Variants in MDGA1 observed in about 807,000 individuals in gnomAD.
MDGA1 encodes the protein MAM domain containing glycosylphosphatidylinositol anchor 1.
In MDGA1, 54 loss-of-function variants were observed where a neutral mutation model predicts 101.5. The ratio of observed to expected loss-of-function variants is 0.53; its 90% CI spans 0.43 to 0.67. The LOEUF is 0.67. Among genes scored for constraint, MDGA1 ranks in the 30% least tolerant of loss-of-function variants. The pLI is 0.00. For missense variants in MDGA1, 1,083 were observed against 1,323.8 expected, an observed-to-expected ratio of 0.82 and a Z score of 2.82; for synonymous variants, 533 against 558.3, an observed-to-expected ratio of 0.95 and a Z score of 0.64.
rs1581858514 is a variant in MDGA1, at chr6:37,652,309, A to T, written c.1014T>A (p.Pro338=). The part of the protein sequence containing the change: ...SMKNATFQIT[P]DVIKESENIQ... ...TGTTCTCACTCTCTTTGATCACGTC[A>T]GGAGTGATCTGGAATGTAGCGTTCT... The change falls in exon 7 of 17, where the codon CCT becomes CCA. Residue 338 remains proline (P), a synonymous_variant. Transcript: ENST00000434837. This position sits in a 1 kb window ranked among gnomAD's most constrained non-coding sequence, Gnocchi z 4.3. 1 of 1,613,526 alleles carries T rather than the reference A, an allele frequency of 6.2e-7. No individual in the cohort carries two copies. The highest frequency in any genetic ancestry group is 8.5e-7 in the Non-Finnish European group (1 of 1,179,606).
intron 1 of MDGA1, among the ~76,000 whole-genome samples, chr6:37,690,275 A>G (rs1173580182): frequency 6.6e-6 from 1 of 152,204 alleles, no homozygotes; most frequent in African/African-American, 2.4e-5. Context: ...ACACAGCGGC[A>G]TGGCTACCTG....
intron 1 of MDGA1, among the ~76,000 whole-genome samples, chr6:37,686,118 G>T (rs1017329473): frequency 6.6e-6 from 1 of 152,114 alleles, no homozygotes; most frequent in African/African-American, 2.4e-5. Flanking sequence ...TTCTCAGCCT[G>T]CCTTGAAGCT....
rs776751933 is a variant in MDGA1, at chr6:37,647,245, G to A, written c.1974C>T (p.Tyr658=). 61 of 1,581,640 alleles carry A rather than the reference G, an allele frequency of 3.9e-5. No homozygotes were observed. The highest frequency in any genetic ancestry group is 4.9e-5 in the Non-Finnish European group (57 of 1,164,200). The change falls in exon 10 of 17, where the codon TAC becomes TAT. Residue 658 remains tyrosine (Y), a synonymous_variant. Coordinates refer to ENST00000434837, the MANE Select transcript of MDGA1 (RefSeq NM_153487.4). ...GCTCCCTCTGAGTCCACTGCAGCAC[G>A]TAGGAGTAGTTCTTGGACAGCTTGT... ...RSHKLSKNYS[Y]VLQWTQREPD...
Position 37,648,974 on chromosome 6 carries a change from ACGC to A in MDGA1, c.1894+5_1894+7del. On this transcript the variant is annotated splice_donor_5th_base_variant and intron_variant, in intron 9 of 16. Coordinates refer to ENST00000434837, the MANE Select transcript of MDGA1 (RefSeq NM_153487.4). The stretch of plus-strand genomic sequence containing the variant: ...TGGTAGGTGGGGCGGGACCCACTGG[ACGC>A]TCACCGGAGACCTGGAAGAGGCAGG... The A allele has an allele frequency of 6.4e-7, 1 of 1,551,118 alleles. No homozygotes were observed. Among genetic ancestry groups the A allele is most frequent in the Non-Finnish European group, 8.7e-7 (1 of 1,148,872 alleles).
At position 37,652,438 on chromosome 6, in the gene MDGA1, G is replaced by T; in HGVS notation, c.983-98C>A. 1 of 866,936 alleles carries T rather than the reference G, an allele frequency of 1.2e-6. No individual in the cohort carries two copies. The highest frequency in any genetic ancestry group is 1.7e-5 in the African/African-American group (1 of 59,006). The allele number at this position is 866,936 out of a possible 1,614,324, so 53.7% of individuals were successfully genotyped here. On this transcript the variant is annotated intron_variant, in intron 6 of 16. Transcript: ENST00000434837. This position sits in a 1 kb window ranked among gnomAD's most constrained non-coding sequence, Gnocchi z 4.3. ...AGACCCAGCTTCTCCCCTCTAGCTG[G>T]CCCTTCTGGGGATAGGGGGCTACAA...
At chr6:37,671,198 C>A (rs990211907) in intron 1 of MDGA1, among the ~76,000 whole-genome samples, 6 of 152,208 alleles carry the variant, frequency 3.9e-5, no homozygotes, top group African/African-American at 1.4e-4. Context: ...ATTAAGGATG[C>A]TGCATGTTCT....
intron 1 of MDGA1, among the ~76,000 whole-genome samples, chr6:37,694,807 C>T (rs946479505): frequency 5.3e-5 from 8 of 152,148 alleles, no homozygotes; most frequent in East Asian, 1.9e-4. Flanking sequence ...GGCCCAGGGT[C>T]GGCCCCAGCA....
At position 37,638,217 on chromosome 6, in the gene MDGA1, C is replaced by G. The variant is rs577475302; in HGVS notation, c.2764G>C (p.Asp922His). The G allele has an allele frequency of 1.2e-6, 2 of 1,613,482 alleles. No individual in the cohort carries two copies. The highest frequency in any genetic ancestry group is 1.7e-6 in the Non-Finnish European group (2 of 1,179,500). The change falls in exon 16 of 17, where the codon GAT becomes CAT. Residue 922 changes from aspartate to histidine, a missense_variant. Asp to His is a moderately conservative substitution (Grantham distance 81). Transcript: ENST00000434837. This position sits in a 1 kb window ranked among gnomAD's most constrained non-coding sequence, Gnocchi z 4.8. The part of the protein sequence containing the change: ...KKGECPRKQT[D>H]PNKVVVMPGS... ...TCCCGTCTTGCACCTTTATTGGGATCCGTCTGCTTCCGGGGACACTCCCCC... is the reference window on the plus strand; with the variant it reads ...TCCCGTCTTGCACCTTTATTGGGATGCGTCTGCTTCCGGGGACACTCCCCC...
Position 37,654,295 on chromosome 6 carries a change from T to C in MDGA1, c.961A>G (p.Thr321Ala), listed in dbSNP as rs1761431889. The C allele has an allele frequency of 6.4e-7, 1 of 1,557,958 alleles. No homozygotes were observed. Among genetic ancestry groups the C allele is most frequent in the East Asian group, 2.3e-5 (1 of 44,388 alleles). Residue 321 changes from threonine (T) to alanine (A), a missense_variant, in exon 6 of 17, where the codon ACT (threonine) becomes GCT (alanine). By Grantham distance (58) the Thr-to-Ala change is moderately conservative. Around this residue, in one of 3 missense-constraint regions of MDGA1, gnomAD observed 116 missense variants for 196.6 expected, o/e 0.59. Transcript: ENST00000434837. ...TNNVGNPAKK[T>A]VNLLVRSMKN... The stretch of plus-strand genomic sequence containing the variant: ...GTACATCGCACCAGCAGGTTGACAG[T>C]CTTCTTGGCAGGGTTGCCCACATTG...
chr6:37,664,237 C>T, intron 1 of MDGA1, 131 bp from the exon 2 acceptor site: 1 of 1,123,442 alleles, frequency 8.9e-7, no homozygotes, highest in Non-Finnish European at 1.3e-6. Flanking sequence ...AGAGGCCTGA[C>T]CCCACTGAGC....
intron 1 of MDGA1, among the ~76,000 whole-genome samples, chr6:37,671,007 T>G (rs1032206164): frequency 6.6e-6 from 1 of 152,190 alleles, no homozygotes; most frequent in Non-Finnish European, 1.5e-5. Context: ...TATTAGTGGA[T>G]AGAAAACTGA....
intron 9 of MDGA1, 24 bp downstream of exon 9, chr6:37,648,958 G>A: frequency 6.5e-7 from 1 of 1,546,548 alleles, no homozygotes. Context: ...GTGGTAGGTG[G>A]GGCGGGACCC....
Position 37,637,161 on chromosome 6 carries a change from G to A in MDGA1, c.*207C>T, listed in dbSNP as rs146059820. The stretch of plus-strand genomic sequence containing the variant: ...TGTGTGTGAGCATGAGTGTGTGCGT[G>A]TGTGCAAGTGGAACAGCTGTCTCCA... On this transcript the variant is annotated 3_prime_UTR_variant, in exon 17 of 17. Transcript: ENST00000434837. The A allele has an allele frequency of 7.2e-4, 401 of 555,160 alleles. No individual in the cohort carries two copies. The highest frequency in any genetic ancestry group is 1.1e-3 in the Non-Finnish European group (335 of 309,852). 34.4% of individuals were successfully genotyped at this position (555,160 alleles called of 1,614,324 possible). A position where few individuals can be genotyped will look rare whatever the true frequency, so the allele number is the denominator to read the frequency against.
At chr6:37,644,450 C>A (rs775634697) in intron 13 of MDGA1, 47 bp downstream of exon 13, 3 of 1,476,482 alleles carry the variant, frequency 2.0e-6, no homozygotes, top group African/African-American at 1.4e-5. Context: ...GGCCTAGACA[C>A]CCCCCTGAAG....
intron 1 of MDGA1, among the ~76,000 whole-genome samples, chr6:37,682,573 G>C (rs1762118788): frequency 6.6e-6 from 1 of 152,134 alleles, no homozygotes; most frequent in Admixed American, 6.6e-5. Flanking sequence ...ATGATTCCAG[G>C]CTGATCCCCC....
Position 37,634,847 on chromosome 6 carries a change from G to A in MDGA1, c.*2521C>T, listed in dbSNP as rs1443346681. 1 of 152,298 alleles carries A rather than the reference G, an allele frequency of 6.6e-6. No homozygotes were observed. The highest frequency in any genetic ancestry group is 6.5e-5 in the Admixed American group (1 of 15,292). 9.4% of individuals were successfully genotyped at this position (152,298 alleles called of 1,614,324 possible). On this transcript the variant is annotated 3_prime_UTR_variant, in exon 17 of 17. Transcript: ENST00000434837. The surrounding 1 kb of genome is among the most constrained non-coding windows in gnomAD (Gnocchi z 4.7). ...CAGTTCAGCTCAGCCAACATGTACT[G>A]AGCACCTTTACTGTCCACTCTATGG...
At chr6:37,692,684 T>TC (rs1408457366) in intron 1 of MDGA1, among the ~76,000 whole-genome samples, 4 of 148,296 alleles carry the variant, frequency 2.7e-5, no homozygotes, top group Non-Finnish European at 6.0e-5. Flanking sequence ...CCACCCCCCT[T>TC]CCCCCCCAGC....
chr6:37,657,307 A>G (rs1761512932), intron 3 of MDGA1, among the ~76,000 whole-genome samples: 2 of 152,226 alleles, frequency 1.3e-5, no homozygotes, highest in South Asian at 4.1e-4. Flanking sequence ...AGTCACAGGC[A>G]TTGACAGTAC....
intron 1 of MDGA1, among the ~76,000 whole-genome samples, chr6:37,666,947 C>A (rs1345067985): frequency 1.3e-5 from 2 of 152,186 alleles, no homozygotes; most frequent in African/African-American, 4.8e-5. Flanking sequence ...TTAGTTTTCT[C>A]ATCTCTAAAA....
Sources: gnomAD v4.1 joint callset for allele counts (sites outside exome capture counted in the v4.1 genomes callset) on GRCh38, gnomAD v4.1.1 for gene constraint, gnomAD v4.1.1 regional missense constraint, Gnocchi (gnomAD v3.1) non-coding constraint, MANE v1.5 for transcripts, NCBI Gene and HGNC (gene_info 2026-07-23, HGNC 2026-07-21) for gene names.